The following GRAMD1B variants were observed in gnomAD, a reference collection of about 807,000 sequenced individuals.
GRAMD1B encodes the protein GRAM domain containing 1B.
GRAMD1B carries 37 observed loss-of-function variants against 99.7 expected under a neutral mutation model. The ratio of observed to expected loss-of-function variants is 0.37; its 90% CI spans 0.29 to 0.49. The LOEUF (loss-of-function observed/expected upper bound fraction) is 0.49, where lower values mean the gene tolerates loss of function less well. GRAMD1B is among the 20% of genes least tolerant of loss of function. GRAMD1B has a pLI of 0.98. For missense variants in GRAMD1B, 888 were observed against 1,009.2 expected (o/e 0.88, Z 1.63); for synonymous variants, 427 against 387.6 (o/e 1.10, Z -1.19).
At chr11:123,476,108 CTT>C (rs35617846) in intron 1 of GRAMD1B, among the ~76,000 whole-genome samples, 42 of 145,074 alleles carry the variant, frequency 2.9e-4, no homozygotes, top group Admixed American at 6.2e-4. Context: ...CATTTAACTT[CTT>C]TTTTTTTTTT....
intron 3 of GRAMD1B, among the ~76,000 whole-genome samples, chr11:123,583,928 A>G (rs1160231437): frequency 6.6e-6 from 1 of 152,124 alleles, no homozygotes; most frequent in African/African-American, 2.4e-5. Flanking sequence ...TTAGAGCAGA[A>G]GGCTGGGTTG....
chr11:123,564,615 A>G (rs1404618261), intron 2 of GRAMD1B, among the ~76,000 whole-genome samples: 5 of 152,252 alleles, frequency 3.3e-5, no homozygotes, highest in Admixed American at 1.3e-4. Flanking sequence ...TGAGTTTCTT[A>G]GAGTCAGGGA....
intron 15 of GRAMD1B, 133 bp downstream of exon 15, chr11:123,612,997 C>T (rs1411635372): frequency 6.4e-6 from 4 of 625,424 alleles, no homozygotes; most frequent in Non-Finnish European, 1.1e-5. Flanking sequence ...ATGAGGTACC[C>T]ACACCTGCTT....
chr11:123,399,632 T>C lies in GRAMD1B; in HGVS notation c.-176+40833T>C, dbSNP rs187578105. Among the ~76,000 whole-genome samples, 427 of 152,234 alleles carry C rather than the reference T, an allele frequency of 2.8e-3. 1 individual carries two copies. Among genetic ancestry groups the C allele is most frequent in the African/African-American group, 0.01 (416 of 41,536 alleles). Reference sequence around the variant, plus strand: ...TGTATTTATTTATTTATTTATTTGATGTAGTCTTGCTCTGTTGCCCAGGCT... The same window carrying C: ...TGTATTTATTTATTTATTTATTTGACGTAGTCTTGCTCTGTTGCCCAGGCT... On this transcript the variant is annotated intron_variant, in intron 1 of 20. Coordinates refer to the GRAMD1B transcript ENST00000638157.
At chr11:123,360,720 A>G (rs369580536) in intron 1 of GRAMD1B, among the ~76,000 whole-genome samples, 4 of 151,890 alleles carry the variant, frequency 2.6e-5, no homozygotes, top group African/African-American at 2.4e-5. Flanking sequence ...CATAGGCCTG[A>G]AATGAAATCA....
intron 1 of GRAMD1B, among the ~76,000 whole-genome samples, chr11:123,435,147 T>C (rs1252160471): frequency 1.3e-5 from 2 of 152,278 alleles, no homozygotes; most frequent in East Asian, 1.9e-4. Context: ...CCTCACACAA[T>C]TCAGGATTTG....
At chr11:123,552,610 G>C (rs566006390) in intron 2 of GRAMD1B, among the ~76,000 whole-genome samples, 2 of 152,102 alleles carry the variant, frequency 1.3e-5, no homozygotes, top group Non-Finnish European at 2.9e-5. Context: ...AAATGTAATC[G>C]GGTTGAGTTA....
chr11:123,453,551 A>G (rs2134390419), intron 1 of GRAMD1B, among the ~76,000 whole-genome samples: 1 of 152,232 alleles, frequency 6.6e-6, no homozygotes, highest in East Asian at 1.9e-4. Flanking sequence ...TCCTGACCTC[A>G]AGTAATCCTC....
chr11:123,572,674 GGA>G (rs149492693), intron 2 of GRAMD1B, among the ~76,000 whole-genome samples: 276 of 149,416 alleles, frequency 1.8e-3, no homozygotes, highest in African/African-American at 5.8e-3. Flanking sequence ...GTAATTGGAG[GGA>G]GAGAGAGAGA....
intron 2 of GRAMD1B, among the ~76,000 whole-genome samples, chr11:123,499,752 C>A (rs11219172): frequency 0.093 from 14,121 of 152,132 alleles, 906 homozygotes; most frequent in African/African-American, 0.18. Flanking sequence ...AGGTTGTTTG[C>A]GTGCACCCCC....
chr11:123,412,631 C>T (rs1312805758), intron 1 of GRAMD1B, among the ~76,000 whole-genome samples: 13 of 152,122 alleles, frequency 8.5e-5, no homozygotes, highest in Non-Finnish European at 1.9e-4. Context: ...ACTACATTTT[C>T]CCACATTGCT....
At chr11:123,572,396 TTTATG>T (rs1171698009) in intron 2 of GRAMD1B, among the ~76,000 whole-genome samples, 5 of 152,184 alleles carry the variant, frequency 3.3e-5, no homozygotes, top group Admixed American at 3.3e-4. Flanking sequence ...GGTTTGAAAC[TTTATG>T]TTATGTTATG....
rs1262919605 is a variant in GRAMD1B at position 123,623,317 on chromosome 11, T to C, written c.*722T>C. 1.3e-5 allele frequency: 2 copies of C among 151,940 alleles called. No individual in the cohort carries two copies. Among genetic ancestry groups the C allele is most frequent in the African/African-American group, 4.9e-5 (2 of 41,208 alleles). The allele number at this position is 151,940 out of a possible 1,614,324, so 9.4% of individuals were successfully genotyped here. On this transcript the variant is annotated 3_prime_UTR_variant, in exon 20 of 20. Coordinates refer to ENST00000635736, the MANE Select transcript of GRAMD1B (RefSeq NM_001387025.1). ...CAGTAAGGGCTGGGAATTTCTTACT[T>C]TCCCACCCGCTTTCTCTCTGGTCTT...
intron 3 of GRAMD1B, 85 bp downstream of exon 3, chr11:123,577,662 G>A: frequency 9.7e-7 from 1 of 1,027,648 alleles, no homozygotes; most frequent in Non-Finnish European, 1.5e-6. Context: ...GAACATCTGC[G>A]AGGGTCCTCA....
chr11:123,529,468 C>T (rs1943129142), intron 2 of GRAMD1B, among the ~76,000 whole-genome samples: 1 of 152,156 alleles, frequency 6.6e-6, no homozygotes, highest in South Asian at 2.1e-4. Context: ...CCCAGTGCAA[C>T]CCCTCTCTCT....
At chr11:123,523,896 T>C (rs1210373600) in intron 2 of GRAMD1B, among the ~76,000 whole-genome samples, 1 of 152,238 alleles carries the variant, frequency 6.6e-6, no homozygotes, top group Non-Finnish European at 1.5e-5. Flanking sequence ...TGTTCAGAAG[T>C]CCTGGCAGCA....
intron 2 of GRAMD1B, among the ~76,000 whole-genome samples, chr11:123,490,855 G>C (rs1938476904): frequency 6.6e-6 from 1 of 152,172 alleles, no homozygotes; most frequent in Non-Finnish European, 1.5e-5. Flanking sequence ...GTGGATGCAG[G>C]TGAGTTCCTA....
chr11:123,549,060 T>G (rs1945345098), intron 2 of GRAMD1B, among the ~76,000 whole-genome samples: 1 of 150,980 alleles, frequency 6.6e-6, no homozygotes, highest in South Asian at 2.1e-4. Context: ...AGAGGAGAGG[T>G]AGTTAGTTGG....
At chr11:123,367,864 T>C (rs757239675) in intron 1 of GRAMD1B, among the ~76,000 whole-genome samples, 3 of 152,106 alleles carry the variant, frequency 2.0e-5, no homozygotes, top group Non-Finnish European at 4.4e-5. Context: ...GTTTGGACTC[T>C]GGCAAGAAAG....
Sources: allele counts gnomAD v4.1 joint callset (sites outside exome capture counted in the v4.1 genomes callset), GRCh38; gene constraint gnomAD v4.1.1; transcripts MANE v1.5; gene names NCBI Gene and HGNC (gene_info 2026-07-23, HGNC 2026-07-21).